Variants in GALNT13 observed in about 807,000 individuals in gnomAD.
GALNT13 encodes the protein UDP-GalNAc:polypeptide N-acetylgalactosaminyltransferase 13.
Under a neutral mutation model 64.2 loss-of-function variants are expected in GALNT13, and 28 were observed. The ratio of observed to expected loss-of-function variants is 0.44; its 90% CI spans 0.32 to 0.60. The LOEUF (loss-of-function observed/expected upper bound fraction) is 0.60, where lower values mean the gene tolerates loss of function less well. GALNT13 is among the 20% of genes least tolerant of loss of function. GALNT13 has a pLI of 0.05. For synonymous variants in GALNT13, 214 were observed against 224.6 expected (o/e 0.95, Z 0.42); for missense variants, 577 against 669.8 (o/e 0.86, Z 1.53).
the GALNT13 span, among the ~76,000 whole-genome samples, chr2:153,831,544 A>T: frequency 3.9e-5 from 6 of 152,156 alleles, no homozygotes; most frequent in Non-Finnish European, 2.9e-5. Flanking sequence ...ACCCTCACAG[A>T]ATCAGCCTCA....
intron 4 of GALNT13, among the ~76,000 whole-genome samples, chr2:154,158,188 AAGCACCAGATAGTCCCAAACTC>A (rs1684533985): frequency 6.6e-6 from 1 of 152,204 alleles, no homozygotes; most frequent in African/African-American, 2.4e-5. Flanking sequence ...TCTAAATCTT[AAGCACCAGATAGTCCCAAACTC>A]AGCACCAGAT....
chr2:153,791,389 T>TA, the GALNT13 span, among the ~76,000 whole-genome samples: 1 of 152,092 alleles, frequency 6.6e-6, no homozygotes, highest in Non-Finnish European at 1.5e-5. Flanking sequence ...TTTTTGCCGT[T>TA]AGTTTTGCAC....
chr2:153,439,147 C>T, the GALNT13 span, among the ~76,000 whole-genome samples: 4 of 152,116 alleles, frequency 2.6e-5, no homozygotes, highest in Admixed American at 6.5e-5. Flanking sequence ...TATTGGTGAA[C>T]CGCAAATGCT....
At chr2:153,625,342 T>C in the GALNT13 span, among the ~76,000 whole-genome samples, 2 of 152,146 alleles carry the variant, frequency 1.3e-5, no homozygotes, top group Admixed American at 6.6e-5. Flanking sequence ...TTGCATATGG[T>C]ACTGACTATA....
chr2:154,224,048 T>G (rs1365776259), intron 4 of GALNT13, among the ~76,000 whole-genome samples: 1 of 152,074 alleles, frequency 6.6e-6, no homozygotes, highest in Non-Finnish European at 1.5e-5. Flanking sequence ...TTTATTTATT[T>G]GTATAGCGTA....
intron 3 of GALNT13, among the ~76,000 whole-genome samples, chr2:154,108,274 A>G (rs1702736040): frequency 6.6e-6 from 1 of 151,596 alleles, no homozygotes; most frequent in Non-Finnish European, 1.5e-5. Flanking sequence ...AACACTTGTT[A>G]TCTTTTAACT....
chr2:153,653,919 G>T, the GALNT13 span, among the ~76,000 whole-genome samples: 1 of 152,002 alleles, frequency 6.6e-6, no homozygotes, highest in African/African-American at 2.4e-5. Flanking sequence ...ATGGATTTTG[G>T]CAATGATCAT....
chr2:153,824,617 C>A, the GALNT13 span, among the ~76,000 whole-genome samples: 1 of 152,032 alleles, frequency 6.6e-6, no homozygotes, highest in African/African-American at 2.4e-5. Flanking sequence ...GATGGATCCC[C>A]AAGATTTCCA....
chr2:153,688,724 T>G, the GALNT13 span, among the ~76,000 whole-genome samples: 2 of 152,084 alleles, frequency 1.3e-5, no homozygotes, highest in African/African-American at 4.8e-5. Context: ...ATATCTGGCT[T>G]CTTCATTAAA....
At chr2:153,916,882 C>T (rs555346366) in intron 2 of GALNT13, among the ~76,000 whole-genome samples, 1 of 152,222 alleles carries the variant, frequency 6.6e-6, no homozygotes, top group South Asian at 2.1e-4. Context: ...AATTTCTATA[C>T]TTTGAATTAA....
chr2:153,854,181 G>T, the GALNT13 span, among the ~76,000 whole-genome samples: 2 of 151,906 alleles, frequency 1.3e-5, no homozygotes, highest in African/African-American at 4.8e-5. Context: ...GAGATACGTT[G>T]CTAGATACAA....
chr2:153,419,205 G>A, the GALNT13 span, among the ~76,000 whole-genome samples: 1 of 152,134 alleles, frequency 6.6e-6, no homozygotes, highest in Non-Finnish European at 1.5e-5. Flanking sequence ...TCACATGGTG[G>A]CAGCAACAAG....
intron 9 of GALNT13, among the ~76,000 whole-genome samples, chr2:154,323,882 T>C (rs1694747955): frequency 1.3e-5 from 2 of 152,244 alleles, no homozygotes; most frequent in Admixed American, 6.6e-5. Flanking sequence ...TTCTGAGTCA[T>C]AGAAGTTTGT....
the GALNT13 span, among the ~76,000 whole-genome samples, chr2:153,578,119 C>T: frequency 1.3e-5 from 2 of 151,898 alleles, no homozygotes; most frequent in African/African-American, 4.8e-5. Context: ...AAATAGTTTC[C>T]TTTACATGAC....
the GALNT13 span, among the ~76,000 whole-genome samples, chr2:153,372,359 C>CAGA: frequency 0.39 from 59,811 of 151,818 alleles, 12,190 homozygotes; most frequent in Non-Finnish European, 0.44. Flanking sequence ...GTCAAGAAAG[C>CAGA]AGAAGAGGCC....
the GALNT13 span, among the ~76,000 whole-genome samples, chr2:153,078,806 G>A: frequency 1.3e-5 from 2 of 151,774 alleles, no homozygotes; most frequent in Admixed American, 6.6e-5. Context: ...GAGTATTATC[G>A]TAATGAATGG....
chr2:153,512,984 A>T, the GALNT13 span, among the ~76,000 whole-genome samples: 3 of 152,054 alleles, frequency 2.0e-5, no homozygotes, highest in Non-Finnish European at 4.4e-5. Context: ...TTGCTAATTT[A>T]AAAAAAATTC....
the GALNT13 span, among the ~76,000 whole-genome samples, chr2:153,227,051 A>T: frequency 6.6e-6 from 1 of 152,206 alleles, no homozygotes; most frequent in Non-Finnish European, 1.5e-5. Flanking sequence ...AGCCTAATTC[A>T]TTTCTCTTTG....
At chr2:154,270,519 A>G (rs1410013408) in intron 8 of GALNT13, among the ~76,000 whole-genome samples, 1 of 151,956 alleles carries the variant, frequency 6.6e-6, no homozygotes, top group African/African-American at 2.4e-5. Flanking sequence ...GAGATTACTA[A>G]CATGAAAATT....
Sources: gnomAD v4.1 joint callset for allele counts (sites outside exome capture counted in the v4.1 genomes callset) on GRCh38, gnomAD v4.1.1 for gene constraint, MANE v1.5 for transcripts, NCBI Gene and HGNC (gene_info 2026-07-23, HGNC 2026-07-21) for gene names.